PRRC2B: variants seen among roughly 807,000 people sequenced by gnomAD.
PRRC2B encodes protein PRRC2B.
PRRC2B carries 68 observed loss-of-function variants against 242.3 expected under a neutral mutation model. That is an observed-to-expected ratio of 0.28 (90% confidence interval 0.23 to 0.34). The LOEUF (loss-of-function observed/expected upper bound fraction) is 0.34. Ranked by LOEUF, PRRC2B falls within the 10% of genes least tolerant of loss-of-function variation. The probability of loss-of-function intolerance (pLI) is 1.00; values close to 1 mark genes in which losing one functional copy is unlikely to be tolerated. For synonymous variants in PRRC2B, 1,228 were observed against 1,173.6 expected (o/e 1.05, Z -0.95); for missense variants, 2,835 against 2,954.8 (o/e 0.96, Z 0.94).
intron 12 of PRRC2B, among the ~76,000 whole-genome samples, chr9:131,466,042 G>C (rs138728981): frequency 1.3e-5 from 2 of 152,346 alleles, no homozygotes; most frequent in African/African-American, 4.8e-5. Context: ...CCCTATTTAA[G>C]AGTAATGAAG....
chr9:131,389,915 GT>G (rs1291046977), upstream of PRRC2B, among the ~76,000 whole-genome samples: 449 of 93,472 alleles, frequency 4.8e-3, 9 homozygotes, highest in African/African-American at 0.016. Context: ...GAACATGGTT[GT>G]TTTTTTTTTT....
At chr9:131,436,844 A>T in intron 4 of PRRC2B, 122 bp downstream of exon 4, 1 of 742,050 alleles carries the variant, frequency 1.3e-6, no homozygotes. Flanking sequence ...TGTCTATTCC[A>T]GAGGCACACC....
rs1588240449 is a variant in PRRC2B at position 131,412,259 on chromosome 9, C to T, written c.-51-17835C>T. 2.6e-5 allele frequency among the ~76,000 whole-genome samples: 4 copies of T among 152,072 alleles called. No homozygotes were observed. In the South Asian group the frequency reaches 8.3e-4, roughly 32 times the overall value. On this transcript the variant is annotated intron_variant, in intron 1 of 31. Transcript: ENST00000683519. ...TTTCATTGTGGGTGGTCCTCTTGGCCCTTTAAAACTACCCTGCTCTGCTGC... is the reference window on the plus strand; with the variant it reads ...TTTCATTGTGGGTGGTCCTCTTGGCTCTTTAAAACTACCCTGCTCTGCTGC...
rs1256274366 is a variant in PRRC2B at position 131,484,762 on chromosome 9, C to T, written c.5537C>T (p.Ser1846Phe). ...IQRAIGLSPM[S>F]FPTADLTLKM... is the part of the protein sequence containing the mutation. ...AGGGCCATCGGTCTCTCCCCAATGT[C>T]CTTCCCCACCGCCGACCTTACTCTG... Residue 1846 changes from serine (S) to phenylalanine (F), a missense_variant, in exon 24 of 32, where the codon TCC becomes TTC. Ser to Phe is a radical substitution (Grantham distance 155, BLOSUM62 -2). This residue lies in a region of PRRC2B where 574 missense variants were observed against 626.0 expected (regional missense o/e 0.92). Coordinates refer to ENST00000683519, the MANE Select transcript of PRRC2B (RefSeq NM_013318.4). 1.2e-6 allele frequency: 2 copies of T among 1,612,298 alleles called. No individual in the cohort carries two copies. Among genetic ancestry groups the T allele is most frequent in the Non-Finnish European group, 1.7e-6 (2 of 1,178,910 alleles).
At chr9:131,395,367 GT>G (rs957995328) in intron 1 of PRRC2B, among the ~76,000 whole-genome samples, 4 of 152,132 alleles carry the variant, frequency 2.6e-5, no homozygotes, top group African/African-American at 9.7e-5. Flanking sequence ...TCTTAGCATG[GT>G]TTTTCCGAAT....
rs1371495971 is a variant in PRRC2B at position 131,482,370 on chromosome 9, G to A, written c.4984-1G>A. ...TATAACCCATTTTGTGCTCTGCACA[G>A]CAGGGTTTTAAGAGCAGCCAGGGAG... On this transcript the variant is annotated splice_acceptor_variant, in intron 20 of 31. Transcript: ENST00000683519. LOFTEE classifies it high-confidence loss of function. This position sits in a 1 kb window ranked among gnomAD's most constrained non-coding sequence, Gnocchi z 5.2. 1 of 1,575,992 alleles carries A rather than the reference G, an allele frequency of 6.3e-7. No individual in the cohort carries two copies. The highest frequency in any genetic ancestry group is 1.1e-5 in the South Asian group (1 of 88,174).
At chr9:131,491,659 T>C in intron 29 of PRRC2B, 79 bp downstream of exon 29, 2 of 1,346,928 alleles carry the variant, frequency 1.5e-6, no homozygotes, top group Non-Finnish European at 1.0e-6. Flanking sequence ...TAAGTACCCC[T>C]GTGTGGTAGA....
intron 5 of PRRC2B, among the ~76,000 whole-genome samples, chr9:131,443,602 G>A (rs1838687681): frequency 6.6e-6 from 1 of 151,982 alleles, no homozygotes; most frequent in Admixed American, 6.6e-5. Flanking sequence ...CTAATTTTTT[G>A]TATTTTTTGG....
At chr9:131,438,014 CAG>C (rs1838429730) in intron 4 of PRRC2B, among the ~76,000 whole-genome samples, 1 of 152,158 alleles carries the variant, frequency 6.6e-6, no homozygotes, top group African/African-American at 2.4e-5. Context: ...GGCACTGGCA[CAG>C]GGGTCACCTT....
At chr9:131,492,932 C>G (rs1287930017) in intron 30 of PRRC2B, among the ~76,000 whole-genome samples, 2 of 152,210 alleles carry the variant, frequency 1.3e-5, no homozygotes, top group African/African-American at 4.8e-5. Flanking sequence ...ACCCTTGTTA[C>G]ATGTGGGAGA....
At chr9:131,458,810 T>G (rs1296851775) in intron 10 of PRRC2B, among the ~76,000 whole-genome samples, 4 of 152,182 alleles carry the variant, frequency 2.6e-5, no homozygotes, top group African/African-American at 9.6e-5. Flanking sequence ...GGCCCTCTTA[T>G]AATGTTTTAA....
chr9:131,395,556 G>A (rs1414567130), intron 1 of PRRC2B, among the ~76,000 whole-genome samples: 2 of 152,290 alleles, frequency 1.3e-5, no homozygotes, highest in East Asian at 1.9e-4. Context: ...TGGCAGGTTT[G>A]GGCAGCGGTG....
chr9:131,395,552 GT>G (rs904987925), intron 1 of PRRC2B, among the ~76,000 whole-genome samples: 9 of 152,202 alleles, frequency 5.9e-5, no homozygotes, highest in African/African-American at 1.9e-4. Flanking sequence ...CACCTGGCAG[GT>G]TTGGGCAGCG....
At chr9:131,430,838 C>A (rs938056221) in intron 2 of PRRC2B, among the ~76,000 whole-genome samples, 1 of 151,886 alleles carries the variant, frequency 6.6e-6, no homozygotes, top group Non-Finnish European at 1.5e-5. Context: ...GGTGATCCAC[C>A]CGCCTCGGCC....
chr9:131,470,865 C>A lies in PRRC2B; in HGVS notation c.1989C>A (p.His663Gln). Residue 663 changes from histidine (H) to glutamine (Q), a missense_variant, in exon 14 of 32, where the codon CAC (histidine) becomes CAA (glutamine). Coordinates refer to ENST00000683519, the MANE Select transcript of PRRC2B (RefSeq NM_013318.4). ...PSHPQRTFYP[H>Q]HPQMLGFDPR... ...ACCCCCAGCGCACCTTTTACCCACA[C>A]CACCCCCAGATGTTGGGCTTCGATC... The A allele has an allele frequency of 1.2e-6, 2 of 1,605,550 alleles. No homozygotes were observed. Among genetic ancestry groups the A allele is most frequent in the Non-Finnish European group, 1.7e-6 (2 of 1,173,420 alleles).
At chr9:131,393,297 C>G (rs1447282076), upstream of PRRC2B, among the ~76,000 whole-genome samples, 1 of 152,076 alleles carries the variant, frequency 6.6e-6, no homozygotes, top group Non-Finnish European at 1.5e-5. Flanking sequence ...GGTGCCAGGC[C>G]CTAACATTTT....
chr9:131,400,094 TC>T (rs1306371706), intron 1 of PRRC2B, among the ~76,000 whole-genome samples: 2 of 152,186 alleles, frequency 1.3e-5, no homozygotes, highest in East Asian at 3.9e-4. Flanking sequence ...CTTAGTTTTT[TC>T]TTTTTTGAGG....
intron 19 of PRRC2B, among the ~76,000 whole-genome samples, chr9:131,481,040 G>A (rs1389346928): frequency 2.6e-5 from 4 of 151,734 alleles, no homozygotes; most frequent in East Asian, 3.9e-4. Flanking sequence ...GGTGGCTCAC[G>A]TCTGTAATCC....
chr9:131,410,559 A>G (rs1251565257), intron 1 of PRRC2B, among the ~76,000 whole-genome samples: 1 of 152,194 alleles, frequency 6.6e-6, no homozygotes, highest in East Asian at 1.9e-4. Context: ...CCCCGGGTTC[A>G]GGTTCAGATT....
Sources: allele counts gnomAD v4.1 joint callset (sites outside exome capture counted in the v4.1 genomes callset), GRCh38; gene constraint gnomAD v4.1.1; regional missense constraint gnomAD v4.1.1; non-coding constraint Gnocchi (gnomAD v3.1); transcripts MANE v1.5; gene names NCBI Gene and HGNC (gene_info 2026-07-23, HGNC 2026-07-21).